Variants in SYNPO2 observed in about 807,000 individuals in gnomAD.
SYNPO2 encodes synaptopodin-2.
SYNPO2 carries 56 observed loss-of-function variants against 85.0 expected under a neutral mutation model. The observed-to-expected ratio is 0.66, with a 90% CI of 0.53 to 0.82. The LOEUF is 0.82. SYNPO2 is among the 40% of genes least tolerant of loss of function. SYNPO2 has a pLI of 0.00. For synonymous variants in SYNPO2, 602 were observed against 591.1 expected (o/e 1.02, Z -0.27); for missense variants, 1,575 against 1,534.2 (o/e 1.03, Z -0.44).
At chr4:119,025,802 A>G (rs1737910904) in intron 2 of SYNPO2, among the ~76,000 whole-genome samples, 1 of 152,230 alleles carries the variant, frequency 6.6e-6, no homozygotes, top group Admixed American at 6.5e-5. Context: ...AGTTTCAGAA[A>G]GAAGTTATTT....
chr4:119,024,757 A>G (rs896887159), intron 2 of SYNPO2, among the ~76,000 whole-genome samples: 2 of 152,158 alleles, frequency 1.3e-5, no homozygotes, highest in Non-Finnish European at 1.5e-5. Flanking sequence ...ATCAAGTCAA[A>G]AGCAATTATT....
rs113851654 is a variant in SYNPO2 at position 118,862,805 on chromosome 4, C to CT, written c.12+11875dup. 3.7e-3 allele frequency among the ~76,000 whole-genome samples: 546 copies of CT among 148,032 alleles called. 2 individuals carry two copies. Among genetic ancestry groups the CT allele is most frequent in the African/African-American group, 0.012 (473 of 40,480 alleles). On this transcript the variant is annotated intron_variant, in intron 1 of 4. Coordinates refer to the SYNPO2 transcript ENST00000610556. The stretch of plus-strand genomic sequence containing the variant: ...GTAGTTTTCTTTTCTTTCTTTCTTT[C>CT]TTTTTTTTTTCTTTTGCTTTTTTGA...
intron 1 of SYNPO2, among the ~76,000 whole-genome samples, chr4:118,883,121 A>G (rs1439035433): frequency 6.6e-6 from 1 of 151,824 alleles, no homozygotes; most frequent in Admixed American, 6.6e-5. Context: ...CCAAAAGGAC[A>G]GGAAGACTTA....
chr4:118,932,486 T>C (rs1733964560), intron 1 of SYNPO2, among the ~76,000 whole-genome samples: 1 of 152,196 alleles, frequency 6.6e-6, no homozygotes, highest in African/African-American at 2.4e-5. Context: ...TTCTGCTGGT[T>C]ATAAACTTAA....
At chr4:118,926,768 G>A (rs1479914711) in intron 1 of SYNPO2, among the ~76,000 whole-genome samples, 1 of 152,160 alleles carries the variant, frequency 6.6e-6, no homozygotes, top group Non-Finnish European at 1.5e-5. Context: ...TGTAATAAAT[G>A]TAGATGATGA....
chr4:118,897,010 G>A (rs1732571598), intron 1 of SYNPO2, among the ~76,000 whole-genome samples: 1 of 152,038 alleles, frequency 6.6e-6, no homozygotes, highest in African/African-American at 2.4e-5. Flanking sequence ...ATGGATTTAT[G>A]TCTGTATTAG....
At chr4:118,905,388 C>T (rs779344401) in intron 1 of SYNPO2, among the ~76,000 whole-genome samples, 3 of 151,796 alleles carry the variant, frequency 2.0e-5, no homozygotes, top group Non-Finnish European at 4.4e-5. Flanking sequence ...GACATTGAAC[C>T]TAATATCGCC....
chr4:118,941,428 A>T (rs563296190), intron 1 of SYNPO2, among the ~76,000 whole-genome samples: 2 of 152,328 alleles, frequency 1.3e-5, no homozygotes, highest in South Asian at 4.1e-4. Context: ...CTAATAAGAG[A>T]GATCAAACCT....
intron 1 of SYNPO2, among the ~76,000 whole-genome samples, chr4:118,926,576 C>T (rs1733717999): frequency 6.6e-6 from 1 of 152,102 alleles, no homozygotes; most frequent in Admixed American, 6.5e-5. Context: ...ATATATTGCA[C>T]TTCCTGGAGT....
At chr4:118,927,684 G>T (rs1041109393) in intron 1 of SYNPO2, among the ~76,000 whole-genome samples, 20 of 147,570 alleles carry the variant, frequency 1.4e-4, no homozygotes, top group African/African-American at 5.1e-4. Flanking sequence ...CCTAGTAATT[G>T]TTATTAAACA....
chr4:119,036,708 T>A (rs147642768), intron 4 of SYNPO2: 806 of 985,966 alleles, frequency 8.2e-4, no homozygotes, highest in Non-Finnish European at 8.9e-4. Context: ...ATCTTTTTTC[T>A]TGATGTCGTC....
chr4:118,858,614 C>T (rs1466634445), intron 1 of SYNPO2, among the ~76,000 whole-genome samples: 2 of 152,090 alleles, frequency 1.3e-5, no homozygotes, highest in African/African-American at 2.4e-5. Context: ...GCTTTCCATT[C>T]TTCCCTCCTT....
At chr4:118,871,770 A>T (rs982483140) in intron 1 of SYNPO2, among the ~76,000 whole-genome samples, 1 of 151,940 alleles carries the variant, frequency 6.6e-6, no homozygotes, top group Non-Finnish European at 1.5e-5. Context: ...GGGGTTTCAC[A>T]TTGTTAGCCA....
chr4:119,032,595 G>T (rs1421175410), intron 4 of SYNPO2: 5 of 993,818 alleles, frequency 5.0e-6, no homozygotes, highest in Non-Finnish European at 6.0e-6. Context: ...GATACTCGGA[G>T]GATTGTTGGA....
intron 1 of SYNPO2, among the ~76,000 whole-genome samples, chr4:118,957,320 C>G (rs1340099652): frequency 6.6e-6 from 1 of 152,166 alleles, no homozygotes; most frequent in Non-Finnish European, 1.5e-5. Flanking sequence ...AGACTGGGTT[C>G]TGTCAACACA....
chr4:118,871,571 AT>A (rs67838256), intron 1 of SYNPO2, among the ~76,000 whole-genome samples: 2,301 of 142,482 alleles, frequency 0.016, 65 homozygotes, highest in African/African-American at 0.052. Context: ...ATAAATAACA[AT>A]TTTTTTTTTT....
intron 1 of SYNPO2, among the ~76,000 whole-genome samples, chr4:119,011,247 A>T (rs975393942): frequency 6.6e-6 from 1 of 152,200 alleles, no homozygotes; most frequent in African/African-American, 2.4e-5. Context: ...CAGGAGGTGC[A>T]GCAGCACCTG....
chr4:119,008,062 T>C (rs544124164), intron 1 of SYNPO2, among the ~76,000 whole-genome samples: 1 of 152,292 alleles, frequency 6.6e-6, no homozygotes, highest in South Asian at 2.1e-4. Context: ...CAGCTTTCCA[T>C]TTCTGAGAGG....
chr4:118,985,579 A>AT, intron 1 of SYNPO2, among the ~76,000 whole-genome samples: 1 of 152,236 alleles, frequency 6.6e-6, no homozygotes, highest in African/African-American at 2.4e-5. Flanking sequence ...AGCCACTGAC[A>AT]TATTAATAGA....
Sources: gnomAD v4.1 joint callset for allele counts (sites outside exome capture counted in the v4.1 genomes callset) on GRCh38, gnomAD v4.1.1 for gene constraint, MANE v1.5 for transcripts, NCBI Gene and HGNC (gene_info 2026-07-23, HGNC 2026-07-21) for gene names.